The following PGCKA1 variants were observed in gnomAD, a reference collection of about 807,000 sequenced individuals.
PGCKA1 encodes PDCD10 and GCKIII kinases-associated protein 1.
At chr4:37,541,838 G>A in the PGCKA1 span, among the ~76,000 whole-genome samples, 1 of 152,116 alleles carries the variant, frequency 6.6e-6, no homozygotes, top group Non-Finnish European at 1.5e-5. Flanking sequence ...AAGACATCTA[G>A]AGCCAGGAAA....
At chr4:37,533,791 A>G in the PGCKA1 span, among the ~76,000 whole-genome samples, 1 of 152,260 alleles carries the variant, frequency 6.6e-6, no homozygotes, top group Non-Finnish European at 1.5e-5. Flanking sequence ...CTAATGGAAG[A>G]CAAATCTATG....
the PGCKA1 span, among the ~76,000 whole-genome samples, chr4:37,536,786 T>C: frequency 1.3e-5 from 2 of 152,208 alleles, no homozygotes; most frequent in East Asian, 3.9e-4. Context: ...TGTGTTCCAA[T>C]AGACATGTAT....
chr4:37,476,768 AT>A, the PGCKA1 span, among the ~76,000 whole-genome samples: 11 of 152,336 alleles, frequency 7.2e-5, no homozygotes, highest in East Asian at 2.1e-3. Flanking sequence ...ATTAAAAATA[AT>A]TTTTAATAAA....
At chr4:37,590,921 A>T in the PGCKA1 span, 4 of 1,614,232 alleles carry the variant, frequency 2.5e-6, no homozygotes, top group Non-Finnish European at 3.4e-6. Context: ...GAGATTGTGG[A>T]CGAGGATGCA....
the PGCKA1 span, among the ~76,000 whole-genome samples, chr4:37,505,971 T>C: frequency 6.6e-6 from 1 of 152,254 alleles, no homozygotes; most frequent in African/African-American, 2.4e-5. Context: ...TTAATCGTTA[T>C]TGGTCTGTTC....
At chr4:37,516,356 A>C in the PGCKA1 span, among the ~76,000 whole-genome samples, 1 of 152,222 alleles carries the variant, frequency 6.6e-6, no homozygotes, top group South Asian at 2.1e-4. Flanking sequence ...ACCGAAATCG[A>C]TGTTTTCCGA....
At chr4:37,571,329 T>A in the PGCKA1 span, among the ~76,000 whole-genome samples, 1 of 150,376 alleles carries the variant, frequency 6.6e-6, no homozygotes, top group African/African-American at 2.4e-5. Flanking sequence ...TCTCTCTCCA[T>A]GGTCTAATTT....
chr4:37,471,157 C>A, the PGCKA1 span, among the ~76,000 whole-genome samples: 1 of 152,092 alleles, frequency 6.6e-6, no homozygotes, highest in East Asian at 1.9e-4. Context: ...CACTCAGAAC[C>A]AAAAGAGATT....
the PGCKA1 span, among the ~76,000 whole-genome samples, chr4:37,593,408 G>A: frequency 6.6e-6 from 1 of 152,082 alleles, no homozygotes; most frequent in Non-Finnish European, 1.5e-5. Flanking sequence ...AATCATTTTG[G>A]TTTCCTTCTC....
At chr4:37,551,584 G>A in the PGCKA1 span, among the ~76,000 whole-genome samples, 1 of 152,146 alleles carries the variant, frequency 6.6e-6, no homozygotes, top group African/African-American at 2.4e-5. Flanking sequence ...AGGTCTATAA[G>A]AAATTTAACC....
the PGCKA1 span, among the ~76,000 whole-genome samples, chr4:37,477,326 A>G: frequency 6.6e-6 from 1 of 152,224 alleles, no homozygotes; most frequent in Non-Finnish European, 1.5e-5. Context: ...TTCCATTTAT[A>G]TGCAAGGTCA....
the PGCKA1 span, among the ~76,000 whole-genome samples, chr4:37,548,023 G>GT: frequency 2.0e-5 from 2 of 100,398 alleles, no homozygotes; most frequent in African/African-American, 5.9e-5. Flanking sequence ...GAAAAAAAAA[G>GT]GGGGGGAGGC....
the PGCKA1 span, among the ~76,000 whole-genome samples, chr4:37,492,333 A>G: frequency 1.3e-5 from 2 of 152,174 alleles, no homozygotes; most frequent in Admixed American, 6.5e-5. The surrounding 1 kb of genome is among the most constrained non-coding windows in gnomAD (Gnocchi z 4.7). Flanking sequence ...AGGGACTAAA[A>G]CTGAAATTCT....
At chr4:37,506,769 A>G in the PGCKA1 span, among the ~76,000 whole-genome samples, 1 of 152,108 alleles carries the variant, frequency 6.6e-6, no homozygotes, top group Non-Finnish European at 1.5e-5. Context: ...ATTCAGTGAC[A>G]TGTTCTGTAA....
the PGCKA1 span, among the ~76,000 whole-genome samples, chr4:37,462,107 G>T: frequency 2.7e-5 from 4 of 150,632 alleles, no homozygotes; most frequent in African/African-American, 7.5e-5. Context: ...CAGTTTTTCA[G>T]CTTTTGCTAA....
chr4:37,533,339 G>A, the PGCKA1 span, among the ~76,000 whole-genome samples: 1 of 152,096 alleles, frequency 6.6e-6, no homozygotes. Context: ...GGGGTTAAGA[G>A]TTTATCAGTT....
chr4:37,485,108 A>G, the PGCKA1 span, among the ~76,000 whole-genome samples: 3 of 152,312 alleles, frequency 2.0e-5, no homozygotes, highest in African/African-American at 4.8e-5. Context: ...CTATGTTTCT[A>G]GTTTCAGCTA....
chr4:37,499,511 A>G, the PGCKA1 span, among the ~76,000 whole-genome samples: 68 of 152,164 alleles, frequency 4.5e-4, no homozygotes, highest in African/African-American at 1.5e-3. Flanking sequence ...AAGGGATTCA[A>G]TTTCTTCCTG....
the PGCKA1 span, among the ~76,000 whole-genome samples, chr4:37,553,929 A>G: frequency 2.6e-5 from 4 of 152,240 alleles, no homozygotes; most frequent in Middle Eastern, 3.2e-3. Context: ...ATTATGTACT[A>G]TAATCCAAGA....
Sources: allele counts gnomAD v4.1 joint callset (sites outside exome capture counted in the v4.1 genomes callset), GRCh38; gene constraint gnomAD v4.1.1; non-coding constraint Gnocchi (gnomAD v3.1); transcripts MANE v1.5; gene names NCBI Gene and HGNC (gene_info 2026-07-23, HGNC 2026-07-21).